PCDH10: variants seen among roughly 807,000 people sequenced by gnomAD.
The protein encoded by PCDH10 is protocadherin 10, also known as protocadherin-10.
A neutral mutation model predicts 74.4 loss-of-function variants in PCDH10; 15 were observed. That is an observed-to-expected ratio of 0.20 (90% CI 0.13 to 0.31). The LOEUF (loss-of-function observed/expected upper bound fraction) is 0.31. Among genes scored for constraint, PCDH10 ranks in the 10% least tolerant of loss-of-function variants. The probability of loss-of-function intolerance (pLI) is 1.00; values close to 1 mark genes in which losing one functional copy is unlikely to be tolerated. For missense variants in PCDH10, 1,260 were observed against 1,390.2 expected, an observed-to-expected ratio of 0.91 and a Z score of 1.49; for synonymous variants, 619 against 589.8, an observed-to-expected ratio of 1.05 and a Z score of -0.72.
At position 133,152,207 on chromosome 4, in the gene PCDH10, C is replaced by A. The variant is rs773534266; in HGVS notation, c.2067C>A (p.Gly689=). 1.9e-6 allele frequency: 3 copies of A among 1,583,818 alleles called. No homozygotes were observed. In the South Asian group the frequency reaches 3.5e-5, roughly 18 times the overall value. Residue 689 remains glycine, a synonymous_variant, in exon 1 of 5, where the codon GGC becomes GGA. Coordinates refer to ENST00000264360, the MANE Select transcript of PCDH10 (RefSeq NM_032961.3). The part of the protein sequence containing the change: ...VDGAVEPQGG[G]GSGGGGSGEH... ...GCGCCGTGGAGCCCCAGGGCGGGGG[C>A]GGGAGCGGAGGCGGAGGGTCAGGAG...
intron 4 of PCDH10, among the ~76,000 whole-genome samples, chr4:133,168,396 A>G (rs1727131021): frequency 6.6e-6 from 1 of 151,402 alleles, no homozygotes; most frequent in Admixed American, 6.6e-5. Context: ...TTCATCCAAT[A>G]AATTTCTATT....
At chr4:133,188,700 T>G (rs1727593854) in intron 4 of PCDH10, among the ~76,000 whole-genome samples, 1 of 125,216 alleles carries the variant, frequency 8.0e-6, no homozygotes, top group Non-Finnish European at 1.6e-5. Context: ...TGAGATGGAG[T>G]TTCGCTCTTG....
intron 3 of PCDH10, among the ~76,000 whole-genome samples, chr4:133,160,007 A>G (rs1726934394): frequency 6.6e-6 from 1 of 152,048 alleles, no homozygotes; most frequent in Non-Finnish European, 1.5e-5. Flanking sequence ...TTAGTTATAC[A>G]GTATCTTCCA....
chr4:133,151,007 C>G lies in PCDH10; in HGVS notation c.867C>G (p.Phe289Leu). 6.2e-7 allele frequency: 1 copy of G among 1,613,920 alleles called. No homozygotes were observed. Among genetic ancestry groups the G allele is most frequent in the South Asian group, 1.1e-5 (1 of 91,088 alleles). Reference protein sequence around the residue: ...EGQNGEVVYSFSSHISPRARE... With the variant: ...EGQNGEVVYSLSSHISPRARE... ...AGAACGGTGAGGTCGTGTACTCCTT[C>G]AGCAGCCACATTTCGCCCCGGGCGC... Residue 289 changes from phenylalanine (F) to leucine (L), a missense_variant, in exon 1 of 5, where the codon TTC becomes TTG. By Grantham distance (22) the Phe-to-Leu change is conservative (BLOSUM62 0). This residue lies in a region of PCDH10 where 192 missense variants were observed against 161.2 expected (regional missense o/e 1.19). Coordinates refer to ENST00000264360, the MANE Select transcript of PCDH10 (RefSeq NM_032961.3).
intron 2 of PCDH10, among the ~76,000 whole-genome samples, chr4:133,205,150 G>A (rs1727976913): frequency 6.6e-6 from 1 of 152,142 alleles, no homozygotes. Flanking sequence ...AGTGGGAAGG[G>A]AACTTGAAGT....
intron 3 of PCDH10, among the ~76,000 whole-genome samples, chr4:133,158,399 A>C (rs1217919853): frequency 2.0e-5 from 3 of 152,122 alleles, no homozygotes; most frequent in South Asian, 2.1e-4. Flanking sequence ...CCTTTAAAAA[A>C]ATATGTTGAA....
intron 2 of PCDH10, among the ~76,000 whole-genome samples, chr4:133,200,911 A>G (rs1431270836): frequency 6.6e-6 from 1 of 152,308 alleles, no homozygotes; most frequent in East Asian, 1.9e-4. Flanking sequence ...TAAAATTTCC[A>G]GTTCTTGCTA....
chr4:133,182,256 C>A (rs1727432534), intron 4 of PCDH10, among the ~76,000 whole-genome samples: 1 of 151,978 alleles, frequency 6.6e-6, no homozygotes, highest in Non-Finnish European at 1.5e-5. Flanking sequence ...TAGTTTCAAC[C>A]TCACAGGAAA....
At position 133,162,634 on chromosome 4, in the gene PCDH10, A is replaced by AT. The variant is rs1429152098; in HGVS notation, c.2798-337dup. On this transcript the variant is annotated intron_variant, in intron 3 of 4. Coordinates refer to ENST00000264360, the MANE Select transcript of PCDH10 (RefSeq NM_032961.3). The stretch of plus-strand genomic sequence containing the variant: ...TTATCTGTTATGAACTTCACAAGAG[A>AT]TTTTTTAAAAGATGTCTACCATTTT... 4.6e-5 allele frequency among the ~76,000 whole-genome samples: 7 copies of AT among 152,216 alleles called. No individual in the cohort carries two copies. The South Asian group carries it at 6.2e-4, about 14-fold the overall frequency.
chr4:133,153,041 T>C (rs1464546044), intron 1 of PCDH10: 2 of 1,413,542 alleles, frequency 1.4e-6, no homozygotes, highest in Admixed American at 6.5e-5. Flanking sequence ...TTCCATCCTG[T>C]CAGTCCTTTC....
chr4:133,198,670 G>A (rs1182535404), downstream of PCDH10, among the ~76,000 whole-genome samples: 1 of 152,080 alleles, frequency 6.6e-6, no homozygotes, highest in Non-Finnish European at 1.5e-5. Context: ...GGGGAAAATT[G>A]GTGACACCAC....
intron 4 of PCDH10, among the ~76,000 whole-genome samples, chr4:133,183,629 T>C (rs1727465312): frequency 6.6e-6 from 1 of 152,160 alleles, no homozygotes; most frequent in Non-Finnish European, 1.5e-5. Context: ...TTAGGGCCTT[T>C]CACAGTATAT....
chr4:133,190,332 G>A lies in PCDH10; in HGVS notation c.*172G>A. The A allele has an allele frequency of 7.7e-6, 5 of 646,956 alleles. No homozygotes were observed. Among genetic ancestry groups the A allele is most frequent in the Non-Finnish European group, 1.4e-5 (5 of 357,268 alleles). 40.1% of individuals were successfully genotyped at this position (646,956 alleles called of 1,614,324 possible). On this transcript the variant is annotated 3_prime_UTR_variant, in exon 5 of 5. Transcript: ENST00000264360. Reference sequence around the variant, plus strand: ...TATAGGACCTAATTGCTCTCAGCAGGCCTGAGAAATGAGTTGAAATGTGCA... The same window carrying A: ...TATAGGACCTAATTGCTCTCAGCAGACCTGAGAAATGAGTTGAAATGTGCA...
intron 2 of PCDH10, among the ~76,000 whole-genome samples, chr4:133,200,117 T>A (rs1238439301): frequency 1.3e-5 from 2 of 151,902 alleles, no homozygotes; most frequent in African/African-American, 4.8e-5. Context: ...TATTCTAATA[T>A]AAAATGGTAC....
Position 133,191,376 on chromosome 4 carries a change from T to C in PCDH10, c.*1216T>C, listed in dbSNP as rs1160705322. 6.6e-6 allele frequency: 1 copy of C among 152,200 alleles called. No individual in the cohort carries two copies. Among genetic ancestry groups the C allele is most frequent in the Non-Finnish European group, 1.5e-5 (1 of 67,806 alleles). 9.4% of individuals were successfully genotyped at this position (152,200 alleles called of 1,614,324 possible). On this transcript the variant is annotated 3_prime_UTR_variant, in exon 5 of 5. Coordinates refer to ENST00000264360, the MANE Select transcript of PCDH10 (RefSeq NM_032961.3). ...GAACTGGTAAAGAATAACTATAAAATATGAAAGCTCTAAATTTAAAATAAA... is the reference window on the plus strand; with the variant it reads ...GAACTGGTAAAGAATAACTATAAAACATGAAAGCTCTAAATTTAAAATAAA...
At chr4:133,200,589 A>G (rs1659891290) in intron 2 of PCDH10, among the ~76,000 whole-genome samples, 1 of 152,180 alleles carries the variant, frequency 6.6e-6, no homozygotes, top group Non-Finnish European at 1.5e-5. Context: ...TTTACTAGCA[A>G]TTAATCTTAT....
intron 4 of PCDH10, among the ~76,000 whole-genome samples, chr4:133,184,805 T>A (rs1216059906): frequency 7.0e-6 from 1 of 142,896 alleles, no homozygotes. Flanking sequence ...TTTATATATA[T>A]ATATTTATAT....
At chr4:133,171,395 G>A (rs1415847623) in intron 4 of PCDH10, among the ~76,000 whole-genome samples, 2 of 152,034 alleles carry the variant, frequency 1.3e-5, no homozygotes. Flanking sequence ...AAGCATAGAA[G>A]TAACACATAA....
Position 133,150,822 on chromosome 4 carries a change from C to G in PCDH10, c.682C>G (p.Gln228Glu). 1.9e-6 allele frequency: 3 copies of G among 1,589,058 alleles called. No individual in the cohort carries two copies. The highest frequency in any genetic ancestry group is 2.6e-6 in the Non-Finnish European group (3 of 1,169,210). ...CGGGGGAGCAGGCCTGCCCCCCCAG[C>G]AGCAGCGCACCGGCACGGCCCTACT... is the stretch of plus-strand genomic sequence containing the variant. ...GGGGAGLPPQ[Q>E]QRTGTALLTI... Residue 228 changes from glutamine (Q) to glutamate (E), a missense_variant, in exon 1 of 5, where the codon CAG becomes GAG. Around this residue, in one of 11 missense-constraint regions of PCDH10, gnomAD observed 192 missense variants for 161.2 expected, o/e 1.19. Transcript: ENST00000264360.
Sources: allele counts gnomAD v4.1 joint callset (sites outside exome capture counted in the v4.1 genomes callset), GRCh38; gene constraint gnomAD v4.1.1; regional missense constraint gnomAD v4.1.1; transcripts MANE v1.5; gene names NCBI Gene and HGNC (gene_info 2026-07-23, HGNC 2026-07-21).